Variants in KCNT2 observed in about 807,000 individuals in gnomAD.
KCNT2 encodes the protein potassium channel subfamily T member 2.
In KCNT2, 67 loss-of-function variants were observed where a neutral mutation model predicts 153.8. The observed-to-expected ratio is 0.44, with a 90% confidence interval of 0.36 to 0.53. The LOEUF (loss-of-function observed/expected upper bound fraction) is 0.53, where lower values mean the gene tolerates loss of function less well. KCNT2 is among the 20% of genes least tolerant of loss of function. The pLI, the probability that KCNT2 is intolerant of heterozygous loss-of-function variation, is 0.00. For synonymous variants in KCNT2, 500 were observed against 458.8 expected (o/e 1.09, Z -1.15); for missense variants, 975 against 1,354.8 (o/e 0.72, Z 4.40).
intron 5 of KCNT2, among the ~76,000 whole-genome samples, chr1:196,478,251 T>C (rs1021505523): frequency 6.6e-6 from 1 of 152,184 alleles, no homozygotes; most frequent in Non-Finnish European, 1.5e-5. Context: ...CTGTCAGTTT[T>C]CCTTTCATAC....
At chr1:196,281,034 A>G (rs748264903) in intron 24 of KCNT2, 46 bp from the exon 25 acceptor site, 50 of 1,447,538 alleles carry the variant, frequency 3.5e-5, no homozygotes, top group Non-Finnish European at 4.6e-5. Flanking sequence ...GTCAGAAATA[A>G]AAACCTAGTG....
At chr1:196,320,890 T>C (rs1419305100) in intron 19 of KCNT2, among the ~76,000 whole-genome samples, 1 of 151,876 alleles carries the variant, frequency 6.6e-6, no homozygotes, top group East Asian at 1.9e-4. Context: ...CACTTTTTTC[T>C]GTGAAATACT....
chr1:196,339,009 G>T (rs1163197193), intron 16 of KCNT2, among the ~76,000 whole-genome samples: 1 of 144,616 alleles, frequency 6.9e-6, no homozygotes, highest in African/African-American at 2.6e-5. Flanking sequence ...ATGACTGAAT[G>T]AGAGTGTAAG....
chr1:196,378,002 A>G (rs1305526884), intron 13 of KCNT2, among the ~76,000 whole-genome samples: 2 of 152,134 alleles, frequency 1.3e-5, no homozygotes, highest in Non-Finnish European at 2.9e-5. Flanking sequence ...AGGTTCTTAG[A>G]AAAGAACTTT....
intron 8 of KCNT2, among the ~76,000 whole-genome samples, chr1:196,444,222 T>A (rs1433038467): frequency 6.6e-6 from 1 of 151,408 alleles, no homozygotes; most frequent in Non-Finnish European, 1.5e-5. Context: ...TTTCTTCATA[T>A]AAACTTTTCT....
chr1:196,471,154 G>A (rs539877311), intron 5 of KCNT2, among the ~76,000 whole-genome samples: 18 of 151,504 alleles, frequency 1.2e-4, no homozygotes, highest in Non-Finnish European at 2.2e-4. Context: ...TGATCCGCCC[G>A]CCTCGGCCTC....
intron 1 of KCNT2, among the ~76,000 whole-genome samples, chr1:196,586,444 T>C (rs1249720980): frequency 6.6e-6 from 1 of 152,132 alleles, no homozygotes; most frequent in Non-Finnish European, 1.5e-5. Flanking sequence ...TCAATCATTT[T>C]GGGGAAAATT....
At chr1:196,448,386 T>A (rs1229465964) in intron 8 of KCNT2, among the ~76,000 whole-genome samples, 1 of 151,544 alleles carries the variant, frequency 6.6e-6, no homozygotes, top group Non-Finnish European at 1.5e-5. Context: ...ATATAACATT[T>A]CTGTATTATT....
chr1:196,530,988 T>G (rs902762245), intron 1 of KCNT2, among the ~76,000 whole-genome samples: 1 of 152,098 alleles, frequency 6.6e-6, no homozygotes, highest in African/African-American at 2.4e-5. Context: ...CGATAAAACT[T>G]AGAAGGATGA....
In KCNT2 at chr1:196,284,084, A is replaced by T. The variant is rs368420996; in HGVS notation, c.2697+1573T>A. The stretch of plus-strand genomic sequence containing the variant: ...CGTCTGTATTAAAAATACAAAAATT[A>T]GCCAGATGTAATGGTGCACACCTGT... On this transcript the variant is annotated intron_variant, in intron 23 of 27. Transcript: ENST00000294725. Among the ~76,000 whole-genome samples the T allele has an allele frequency of 6.0e-5, 9 of 149,778 alleles. No homozygotes were observed. The East Asian group carries it at 1.8e-3, about 30-fold the overall frequency.
At chr1:196,493,295 T>C (rs957656763) in intron 1 of KCNT2, among the ~76,000 whole-genome samples, 1 of 149,786 alleles carries the variant, frequency 6.7e-6, no homozygotes, top group Non-Finnish European at 1.5e-5. Context: ...TTTGAAAATG[T>C]AATTCATGTA....
chr1:196,254,529 G>A (rs1366126241), intron 26 of KCNT2, among the ~76,000 whole-genome samples: 1 of 151,322 alleles, frequency 6.6e-6, no homozygotes, highest in East Asian at 1.9e-4. Flanking sequence ...TTCCCCAGTT[G>A]GTAATACGTT....
At chr1:196,591,235 C>T (rs1463338861) in intron 1 of KCNT2, among the ~76,000 whole-genome samples, 17 of 152,072 alleles carry the variant, frequency 1.1e-4, no homozygotes, top group Non-Finnish European at 1.2e-4. Context: ...TCCTTTCTCT[C>T]TTGCTCCCTC....
chr1:196,305,497 T>C, intron 21 of KCNT2, 152 bp from the exon 22 acceptor site: 1 of 518,896 alleles, frequency 1.9e-6, no homozygotes, highest in Non-Finnish European at 3.4e-6. Flanking sequence ...TTCTATACAA[T>C]GCAGGAAAAA....
At chr1:196,423,948 A>C (rs1673429978) in intron 11 of KCNT2, among the ~76,000 whole-genome samples, 1 of 151,922 alleles carries the variant, frequency 6.6e-6, no homozygotes, top group Non-Finnish European at 1.5e-5. Context: ...TGCTCTATGC[A>C]TGAGGAATTG....
intron 14 of KCNT2, among the ~76,000 whole-genome samples, chr1:196,355,822 G>C (rs190350310): frequency 3.3e-5 from 5 of 151,842 alleles, no homozygotes; most frequent in Non-Finnish European, 3.0e-5. Context: ...ATATCTCACT[G>C]ATTTTCAACT....
At chr1:196,518,078 C>T (rs1436660493) in intron 1 of KCNT2, among the ~76,000 whole-genome samples, 1 of 152,102 alleles carries the variant, frequency 6.6e-6, no homozygotes, top group Non-Finnish European at 1.5e-5. Flanking sequence ...TGCAGAAACC[C>T]TACTAACCAG....
chr1:196,495,418 A>C (rs1042692012), intron 1 of KCNT2, among the ~76,000 whole-genome samples: 2 of 152,014 alleles, frequency 1.3e-5, no homozygotes, highest in African/African-American at 4.8e-5. Context: ...GTTTTTCATG[A>C]TTTAACTTAT....
intron 8 of KCNT2, among the ~76,000 whole-genome samples, chr1:196,435,797 A>T (rs530467238): frequency 6.6e-6 from 1 of 151,816 alleles, no homozygotes; most frequent in East Asian, 1.9e-4. Flanking sequence ...ATAGGTATAC[A>T]ATCTGGACTC....
Sources: allele counts gnomAD v4.1 joint callset (sites outside exome capture counted in the v4.1 genomes callset), GRCh38; gene constraint gnomAD v4.1.1; transcripts MANE v1.5; gene names NCBI Gene and HGNC (gene_info 2026-07-23, HGNC 2026-07-21).